Variants in UBR4 observed in about 807,000 individuals in gnomAD.
UBR4 encodes ubiquitin protein ligase E3 component n-recognin 4.
UBR4 carries 124 observed loss-of-function variants against 575.6 expected under a neutral mutation model. The ratio of observed to expected loss-of-function variants is 0.22; its 90% confidence interval spans 0.19 to 0.25. UBR4 has a LOEUF of 0.25. Among genes scored for constraint, UBR4 ranks in the 10% least tolerant of loss-of-function variants. The pLI, the probability that UBR4 is intolerant of heterozygous loss-of-function variation, is 1.00. For missense variants in UBR4, 4,818 were observed against 6,478.8 expected (o/e 0.74, Z 8.80); for synonymous variants, 2,455 against 2,473.7 (o/e 0.99, Z 0.22).
intron 102 of UBR4, among the ~76,000 whole-genome samples, chr1:19,083,032 G>A (rs2076670718): frequency 6.6e-6 from 1 of 152,208 alleles, no homozygotes; most frequent in Admixed American, 6.5e-5. Context: ...CAAAGAAACT[G>A]TGAGACAGCC....
In UBR4 at chr1:19,094,780, T is replaced by C. The variant is rs945877735; in HGVS notation, c.13746+126A>G. 1.4e-5 allele frequency: 18 copies of C among 1,328,072 alleles called. No homozygotes were observed. The African/African-American group carries it at 2.6e-4, about 19-fold the overall frequency. The allele number at this position is 1,328,072 out of a possible 1,614,324, so 82.3% of individuals were successfully genotyped here. A position where few individuals can be genotyped will look rare whatever the true frequency, so the allele number is the denominator to read the frequency against. On this transcript the variant is annotated intron_variant, in intron 94 of 105. Coordinates refer to ENST00000375254, the MANE Select transcript of UBR4 (RefSeq NM_020765.3). ...TGTCATCATTAGTTGAGTCCTAACA[T>C]TCCAATGCTTAAGCAGGCTCCGCCA...
chr1:19,077,858 A>G (rs2076104908), intron 104 of UBR4, 118 bp downstream of exon 104: 1 of 1,568,014 alleles, frequency 6.4e-7, no homozygotes, highest in Non-Finnish European at 8.7e-7. Flanking sequence ...CTAGGAAAAA[A>G]GCGCCCCCAG....
intron 8 of UBR4, among the ~76,000 whole-genome samples, chr1:19,196,310 A>T (rs564555532): frequency 3.9e-5 from 6 of 152,348 alleles, no homozygotes; most frequent in Admixed American, 3.9e-4. Flanking sequence ...ATTCACACAC[A>T]GATGTTCAAA....
In UBR4 at chr1:19,198,947, C is replaced by T. The variant is rs117098713; in HGVS notation, c.379-19G>A. On this transcript the variant is annotated intron_variant, in intron 3 of 105. Transcript: ENST00000375254. The stretch of plus-strand genomic sequence containing the variant: ...AGTGTTTCTGAAAAGAAAACAAATG[C>T]AAACAAAAGAAAACAAAAACAAATA... 6,568 of 1,608,020 alleles carry T rather than the reference C, an allele frequency of 4.1e-3. 213 individuals are homozygous for T. The East Asian group carries it at 0.055, about 13-fold the overall frequency.
intron 16 of UBR4, 58 bp from the exon 17 acceptor site, chr1:19,183,954 C>A: frequency 6.2e-7 from 1 of 1,613,846 alleles, no homozygotes; most frequent in Non-Finnish European, 8.5e-7. Context: ...ACCACACCTC[C>A]CTGCCAACAG....
At position 19,135,735 on chromosome 1, in the gene UBR4, T is replaced by G. The variant is rs184569724; in HGVS notation, c.8906+2272A>C. Among the ~76,000 whole-genome samples the G allele has an allele frequency of 2.9e-3, 439 of 152,294 alleles. 1 individual carries two copies. The highest frequency in any genetic ancestry group is 1.0e-2 in the African/African-American group (414 of 41,570). On this transcript the variant is annotated intron_variant, in intron 60 of 105. Coordinates refer to ENST00000375254, the MANE Select transcript of UBR4 (RefSeq NM_020765.3). ...AGAGAATATGATGGTCTCACATCTA[T>G]TTAACTGAAATCCCAGAAAATAAGT... is the stretch of plus-strand genomic sequence containing the variant.
chr1:19,155,132 C>A, intron 43 of UBR4, 57 bp from the exon 44 acceptor site: 1 of 1,602,030 alleles, frequency 6.2e-7, no homozygotes, highest in Non-Finnish European at 8.5e-7. Context: ...CTACCAACTT[C>A]CGGTTTATAC....
intron 6 of UBR4, 31 bp from the exon 7 acceptor site, chr1:19,197,842 C>T: frequency 1.2e-6 from 2 of 1,613,474 alleles, no homozygotes; most frequent in Non-Finnish European, 1.7e-6. Flanking sequence ...ACCTTACAAA[C>T]AGGCCTTTGT....
At chr1:19,199,827 T>G (rs1320377011) in intron 2 of UBR4, 73 bp from the exon 3 acceptor site, 4 of 1,341,358 alleles carry the variant, frequency 3.0e-6, no homozygotes, top group African/African-American at 1.4e-5. Flanking sequence ...AAGTAAGTAT[T>G]GAGCTCTATG....
rs776781793 is a variant in UBR4, at chr1:19,193,516, T to C, written c.1060A>G (p.Ser354Gly). 1.2e-6 allele frequency: 2 copies of C among 1,614,130 alleles called. No homozygotes were observed. The highest frequency in any genetic ancestry group is 2.7e-5 in the African/African-American group (2 of 75,030). The change falls in exon 9 of 106, where the codon AGT becomes GGT. Residue 354 changes from serine to glycine, a missense_variant. This residue lies in a region of UBR4 where 131 missense variants were observed against 214.5 expected (regional missense o/e 0.61). Coordinates refer to ENST00000375254, the MANE Select transcript of UBR4 (RefSeq NM_020765.3). The part of the protein sequence containing the change: ...ATCMAILHVG[S>G]AQQVRTGSTS... ...GACCCTGTCCGCACTTGCTGGGCACTACCCACATGGAGGATGGCCATGCAC... is the reference window on the plus strand; with the variant it reads ...GACCCTGTCCGCACTTGCTGGGCACCACCCACATGGAGGATGGCCATGCAC...
In UBR4 at chr1:19,101,772, A is replaced by G. The variant is rs1054155213; in HGVS notation, c.12902-131T>C. The G allele has an allele frequency of 5.1e-6, 7 of 1,384,662 alleles. No individual in the cohort carries two copies. The African/African-American group carries it at 5.8e-5, about 11-fold the overall frequency. 85.8% of individuals were successfully genotyped at this position (1,384,662 alleles called of 1,614,324 possible). ...AAGTCTTTAAATGCCCTACATGGCAATATCAATAGTTCAAATTGGAAATTT... is the reference window on the plus strand; with the variant it reads ...AAGTCTTTAAATGCCCTACATGGCAGTATCAATAGTTCAAATTGGAAATTT... On this transcript the variant is annotated intron_variant, in intron 87 of 105. Coordinates refer to ENST00000375254, the MANE Select transcript of UBR4 (RefSeq NM_020765.3).
chr1:19,140,636 C>A (rs1398138130), intron 58 of UBR4, 152 bp downstream of exon 58: 4 of 753,244 alleles, frequency 5.3e-6, no homozygotes, highest in Non-Finnish European at 6.4e-6. Flanking sequence ...CACAGCACTA[C>A]ACCCTCCACA....
chr1:19,132,605 TAAAAA>T, intron 60 of UBR4, among the ~76,000 whole-genome samples: 14 of 24,096 alleles, frequency 5.8e-4, no homozygotes, highest in African/African-American at 1.8e-3. Context: ...TAAAAAATGG[TAAAAA>T]AAAAAAAAAA....
At chr1:19,151,206 T>G (rs1336828279) in intron 48 of UBR4, 1 of 324,168 alleles carries the variant, frequency 3.1e-6, no homozygotes, top group African/African-American at 2.1e-5. Flanking sequence ...AGAAATGCAG[T>G]CTTGAGTAAG....
Position 19,104,073 on chromosome 1 carries a change from G to C in UBR4, c.12901+11C>G, listed in dbSNP as rs1190840741. ...CAGTGCCTTAGGCTCCAGGCCACTG[G>C]GCAGTGCTACCTGTGGTCATGTCCT... On this transcript the variant is annotated intron_variant, in intron 87 of 105. Coordinates refer to ENST00000375254, the MANE Select transcript of UBR4 (RefSeq NM_020765.3). 3 of 1,613,856 alleles carry C rather than the reference G, an allele frequency of 1.9e-6. No individual in the cohort carries two copies. Among genetic ancestry groups the C allele is most frequent in the Admixed American group, 1.7e-5 (1 of 60,022 alleles).
At chr1:19,206,074 C>T (rs1040203398) in intron 1 of UBR4, among the ~76,000 whole-genome samples, 3 of 152,196 alleles carry the variant, frequency 2.0e-5, no homozygotes, top group African/African-American at 7.2e-5. Context: ...ACGGTATGTG[C>T]TCCATTGAGC....
intron 11 of UBR4, among the ~76,000 whole-genome samples, chr1:19,188,484 G>A (rs570638049): frequency 1.2e-4 from 19 of 152,256 alleles, no homozygotes; most frequent in South Asian, 8.3e-4. Context: ...AGCCCAGGAG[G>A]TGGAGGCTGC....
chr1:19,170,898 G>A lies in UBR4; in HGVS notation c.3522-15C>T. 2 of 1,612,940 alleles carry A rather than the reference G, an allele frequency of 1.2e-6. No individual in the cohort carries two copies. The highest frequency in any genetic ancestry group is 1.3e-5 in the African/African-American group (1 of 74,076). On this transcript the variant is annotated splice_polypyrimidine_tract_variant and intron_variant, in intron 25 of 105. Transcript: ENST00000375254. Reference sequence around the variant, plus strand: ...GCAAATAGGCTCTGGGGAAAAAACAGGGGGAAAGTGAAGCCATAAGATTCT... The same window carrying A: ...GCAAATAGGCTCTGGGGAAAAAACAAGGGGAAAGTGAAGCCATAAGATTCT...
At chr1:19,192,562 C>A in intron 9 of UBR4, 22 bp from the exon 10 acceptor site, 1 of 1,613,532 alleles carries the variant, frequency 6.2e-7, no homozygotes, top group Non-Finnish European at 8.5e-7. Flanking sequence ...CAAACAGACA[C>A]AAAAATCTGA....
Sources: gnomAD v4.1 joint callset for allele counts (sites outside exome capture counted in the v4.1 genomes callset) on GRCh38, gnomAD v4.1.1 for gene constraint, gnomAD v4.1.1 regional missense constraint, MANE v1.5 for transcripts, NCBI Gene and HGNC (gene_info 2026-07-23, HGNC 2026-07-21) for gene names.